The following ZNF440 variants were observed in gnomAD, a reference collection of about 807,000 sequenced individuals.
ZNF440 encodes the protein zinc finger protein 440.
Under a neutral mutation model 49.7 loss-of-function variants are expected in ZNF440, and 47 were observed. The ratio of observed to expected loss-of-function variants is 0.95; its 90% confidence interval spans 0.75 to 1.21. The LOEUF (loss-of-function observed/expected upper bound fraction) is 1.21, where lower values mean the gene tolerates loss of function less well. ZNF440 is among the 50% of genes most tolerant of loss of function. ZNF440 has a pLI of 0.00. For missense variants in ZNF440, 703 were observed against 715.0 expected (o/e 0.98, Z 0.19); for synonymous variants, 255 against 237.7 (o/e 1.07, Z -0.67).
In ZNF440 at chr19:11,831,583, A is replaced by G; in HGVS notation, c.407A>G (p.Tyr136Cys). The change falls in exon 4 of 4, where the codon TAT becomes TGT. Residue 136 changes from tyrosine to cysteine, a missense_variant. Transcript: ENST00000304060. ...GACATTGGACACAAGGCATATGAGT[A>G]TCAGGAATATGGACCAAAGCCATGT... is the stretch of plus-strand genomic sequence containing the variant. Reference protein sequence around the residue: ...RGDIGHKAYEYQEYGPKPCKC... With the variant: ...RGDIGHKAYECQEYGPKPCKC... The G allele has an allele frequency of 1.2e-6, 2 of 1,614,198 alleles. No homozygotes were observed. The highest frequency in any genetic ancestry group is 4.5e-5 in the East Asian group (2 of 44,878).
In ZNF440 at chr19:11,833,715, A is replaced by G. The variant is rs1975983482; in HGVS notation, c.*751A>G. 3 of 696,442 alleles carry G rather than the reference A, an allele frequency of 4.3e-6. No individual in the cohort carries two copies. Among genetic ancestry groups the G allele is most frequent in the African/African-American group, 1.9e-5 (1 of 53,696 alleles). 43.1% of individuals were successfully genotyped at this position (696,442 alleles called of 1,614,324 possible). On this transcript the variant is annotated 3_prime_UTR_variant, in exon 4 of 4. Transcript: ENST00000304060. ...TTCTAGTTCCCTTCAATATCATGAAAGGACTCACACTGGAGAGAAGCCCTA... is the reference window on the plus strand; with the variant it reads ...TTCTAGTTCCCTTCAATATCATGAAGGGACTCACACTGGAGAGAAGCCCTA...
Position 11,814,421 on chromosome 19 carries a change from A to G in ZNF440, c.-27A>G. 1 of 1,558,804 alleles carries G rather than the reference A, an allele frequency of 6.4e-7. No homozygotes were observed. Among genetic ancestry groups the G allele is most frequent in the Non-Finnish European group, 8.7e-7 (1 of 1,154,018 alleles). ...ACTAGTCGCGGGAGCCACGCAGAGGACGCCGGAACACCCTGGAAGCCGAGA... is the reference window on the plus strand; with the variant it reads ...ACTAGTCGCGGGAGCCACGCAGAGGGCGCCGGAACACCCTGGAAGCCGAGA... On this transcript the variant is annotated 5_prime_UTR_variant, in exon 1 of 4. Transcript: ENST00000304060.
In ZNF440 at chr19:11,833,781, C is replaced by A; in HGVS notation, c.*817C>A. 1 of 845,196 alleles carries A rather than the reference C, an allele frequency of 1.2e-6. No individual in the cohort carries two copies. The allele number at this position is 845,196 out of a possible 1,614,324, so 52.4% of individuals were successfully genotyped here. A position where few individuals can be genotyped will look rare whatever the true frequency, so the allele number is the denominator to read the frequency against. On this transcript the variant is annotated 3_prime_UTR_variant, in exon 4 of 4. Transcript: ENST00000304060. ...TGGGAAAGCCTTCAGATCAGCCTCG[C>A]ACCTTCAAATGCATGGAAGGACTCA...
Position 11,832,000 on chromosome 19 carries a change from A to C in ZNF440, c.824A>C (p.Glu275Ala). 6.2e-7 allele frequency: 1 copy of C among 1,614,058 alleles called. No individual in the cohort carries two copies. Among genetic ancestry groups the C allele is most frequent in the Non-Finnish European group, 8.5e-7 (1 of 1,179,994 alleles). Residue 275 changes from glutamate to alanine, a missense_variant, in exon 4 of 4, where the codon GAA (glutamate) becomes GCA (alanine). Transcript: ENST00000304060. ...FHSPRSYRRH[E>A]RIHMGEKAYQ... ...AGTCCCAGATCCTATCGTAGACATG[A>C]AAGGATTCACATGGGAGAAAAGGCT... is the stretch of plus-strand genomic sequence containing the variant.
chr19:11,825,166 AT>A (rs1975848693), intron 1 of ZNF440, among the ~76,000 whole-genome samples: 1 of 152,026 alleles, frequency 6.6e-6, no homozygotes, highest in Admixed American at 6.6e-5. Context: ...AATAAAAAAA[AT>A]AAAAAATAAT....
intron 1 of ZNF440, among the ~76,000 whole-genome samples, chr19:11,822,742 G>A (rs1444768663): frequency 2.6e-5 from 4 of 151,008 alleles, no homozygotes; most frequent in Non-Finnish European, 4.4e-5. Context: ...AGCTACTCAG[G>A]AGGCTGAAAC....
chr19:11,830,690 T>G lies in ZNF440; in HGVS notation c.191+13T>G. The G allele has an allele frequency of 1.2e-6, 2 of 1,613,300 alleles. No individual in the cohort carries two copies. The highest frequency in any genetic ancestry group is 1.7e-6 in the Non-Finnish European group (2 of 1,179,438). Reference sequence around the variant, plus strand: ...GGAGAAACTTCAGGTAATTTGTACTTACAAGACAAAGCAGTGTCTCTCTAG... The same window carrying G: ...GGAGAAACTTCAGGTAATTTGTACTGACAAGACAAAGCAGTGTCTCTCTAG... On this transcript the variant is annotated intron_variant, in intron 3 of 3. Transcript: ENST00000304060.
At position 11,814,396 on chromosome 19, in the gene ZNF440, A is replaced by T; in HGVS notation, c.-52A>T. On this transcript the variant is annotated 5_prime_UTR_variant, in exon 1 of 4. Transcript: ENST00000304060. ...CTCTGTAACCTGCACTGTGACCTAC[A>T]CTAGTCGCGGGAGCCACGCAGAGGA... 1 of 1,554,870 alleles carries T rather than the reference A, an allele frequency of 6.4e-7. No individual in the cohort carries two copies.
chr19:11,827,391 T>A (rs935537428), intron 1 of ZNF440, among the ~76,000 whole-genome samples: 16 of 152,234 alleles, frequency 1.1e-4, no homozygotes, highest in African/African-American at 3.9e-4. Flanking sequence ...GGTTGGTTTT[T>A]TTCTTATAGA....
At chr19:11,816,611 C>T (rs1190235675) in intron 1 of ZNF440, 1 of 152,246 alleles carries the variant, frequency 6.6e-6, no homozygotes. Context: ...GAGCCAGTCA[C>T]TTCACTTAGC....
At chr19:11,824,383 A>G (rs1599292370) in intron 1 of ZNF440, among the ~76,000 whole-genome samples, 1 of 152,190 alleles carries the variant, frequency 6.6e-6, no homozygotes, top group South Asian at 2.1e-4. Context: ...GAATTGCACA[A>G]TGAATTCAAA....
Position 11,830,366 on chromosome 19 carries a change from C to A in ZNF440, c.87C>A (p.Tyr29Ter). The A allele has an allele frequency of 6.2e-7, 1 of 1,614,164 alleles. No homozygotes were observed. The highest frequency in any genetic ancestry group is 8.5e-7 in the Non-Finnish European group (1 of 1,180,030). The change falls in exon 2 of 4, where the codon TAC becomes TAA. Residue 29 changes from tyrosine to a stop codon, truncating the protein, a stop_gained. Coordinates refer to ENST00000304060, the MANE Select transcript of ZNF440 (RefSeq NM_152357.3). LOFTEE classifies it high-confidence loss of function. ...ALLDISQRKL[Y>*]REVMLETFRN... is the part of the protein sequence containing the mutation. Reference sequence around the variant, plus strand: ...TGGATATTTCCCAGAGGAAACTCTACAGGGAAGTGATGCTGGAAACTTTCA... The same window carrying A: ...TGGATATTTCCCAGAGGAAACTCTAAAGGGAAGTGATGCTGGAAACTTTCA...
chr19:11,830,349 T>C lies in ZNF440; in HGVS notation c.70T>C (p.Ser24Pro), dbSNP rs1172248095. The C allele has an allele frequency of 3.7e-6, 6 of 1,614,162 alleles. No individual in the cohort carries two copies. In the East Asian group the frequency reaches 1.3e-4, roughly 36 times the overall value. Residue 24 changes from serine (S) to proline (P), a missense_variant, in exon 2 of 4, where the codon TCC becomes CCC. Coordinates refer to ENST00000304060, the MANE Select transcript of ZNF440 (RefSeq NM_152357.3). The stretch of plus-strand genomic sequence containing the variant: ...GGAGGAGTGGGCTTTGCTGGATATT[T>C]CCCAGAGGAAACTCTACAGGGAAGT... The part of the protein sequence containing the change: ...TQEEWALLDI[S>P]QRKLYREVML...
chr19:11,821,059 C>G (rs930938140), intron 1 of ZNF440, among the ~76,000 whole-genome samples: 3 of 152,162 alleles, frequency 2.0e-5, no homozygotes, highest in Non-Finnish European at 4.4e-5. Context: ...CATGCTTCTC[C>G]TCCATTCATC....
In ZNF440 at chr19:11,831,638, A is replaced by G. The variant is rs753237656; in HGVS notation, c.462A>G (p.Arg154=). 2 of 1,614,090 alleles carry G rather than the reference A, an allele frequency of 1.2e-6. No individual in the cohort carries two copies. Among genetic ancestry groups the G allele is most frequent in the South Asian group, 1.1e-5 (1 of 91,086 alleles). ...CKCQQPKKAF[R]YRPSFRTQER... ...GTCAACAACCTAAAAAAGCCTTCAG[A>G]TACCGCCCCTCCTTTAGAACACAAG... Residue 154 remains arginine, a synonymous_variant, in exon 4 of 4, where the codon AGA becomes AGG. Coordinates refer to ENST00000304060, the MANE Select transcript of ZNF440 (RefSeq NM_152357.3).
Position 11,814,314 on chromosome 19 carries a change from G to A in ZNF440, c.-134G>A. ...TTTAGTGCTGCGCCGACAGCGGTCAGGATCTCGGCTTTCTTGCTTCGAGAG... is the reference window on the plus strand; with the variant it reads ...TTTAGTGCTGCGCCGACAGCGGTCAAGATCTCGGCTTTCTTGCTTCGAGAG... On this transcript the variant is annotated 5_prime_UTR_variant, in exon 1 of 4. Coordinates refer to ENST00000304060, the MANE Select transcript of ZNF440 (RefSeq NM_152357.3). The A allele has an allele frequency of 5.0e-6, 5 of 997,118 alleles. No homozygotes were observed. The highest frequency in any genetic ancestry group is 6.9e-6 in the Non-Finnish European group (5 of 721,280). The allele number at this position is 997,118 out of a possible 1,614,324, so 61.8% of individuals were successfully genotyped here. A position where few individuals can be genotyped will look rare whatever the true frequency, so the allele number is the denominator to read the frequency against.
chr19:11,817,627 C>CA (rs1975748764), intron 1 of ZNF440: 1 of 151,318 alleles, frequency 6.6e-6, no homozygotes, highest in Non-Finnish European at 1.5e-5. Context: ...ACAAACAAGA[C>CA]AGAGTTCAAG....
At chr19:11,829,185 C>T (rs1454799031) in intron 1 of ZNF440, among the ~76,000 whole-genome samples, 1 of 152,002 alleles carries the variant, frequency 6.6e-6, no homozygotes, top group Non-Finnish European at 1.5e-5. Flanking sequence ...CTCTTGTGTA[C>T]ATACGGTGCC....
At chr19:11,831,344 T>C (rs1347883318) in intron 3 of ZNF440, 24 bp from the exon 4 acceptor site, 1 of 1,594,106 alleles carries the variant, frequency 6.3e-7, no homozygotes, top group Admixed American at 1.9e-5. Context: ...AAACCCTTCA[T>C]AATATGCTTC....
Sources: gnomAD v4.1 joint callset for allele counts (sites outside exome capture counted in the v4.1 genomes callset) on GRCh38, gnomAD v4.1.1 for gene constraint, MANE v1.5 for transcripts, NCBI Gene and HGNC (gene_info 2026-07-23, HGNC 2026-07-21) for gene names.